FOXP1: variants seen among roughly 807,000 people sequenced by gnomAD.
The protein encoded by FOXP1 is forkhead box P1, also known as forkhead box protein P1.
Under a neutral mutation model 98.2 loss-of-function variants are expected in FOXP1, and 15 were observed. The ratio of observed to expected loss-of-function variants is 0.15; its 90% CI spans 0.10 to 0.24. The LOEUF (loss-of-function observed/expected upper bound fraction) is 0.24. Among genes scored for constraint, FOXP1 ranks in the 10% least tolerant of loss-of-function variants. FOXP1 has a pLI of 1.00. For synonymous variants in FOXP1, 371 were observed against 314.5 expected (o/e 1.18, Z -1.90); for missense variants, 633 against 848.5 (o/e 0.75, Z 3.15).
At chr3:71,519,006 G>A (rs2042779836) in intron 2 of FOXP1, among the ~76,000 whole-genome samples, 1 of 152,242 alleles carries the variant, frequency 6.6e-6, no homozygotes, top group Non-Finnish European at 1.5e-5. Flanking sequence ...AGCACTTTGG[G>A]AGGCCGAGAC....
chr3:71,279,153 CAA>C (rs1226669921), intron 5 of FOXP1, among the ~76,000 whole-genome samples: 1 of 76,762 alleles, frequency 1.3e-5, no homozygotes, highest in Non-Finnish European at 2.3e-5. Context: ...GCCTGGGTGA[CAA>C]GAGTGAAACT....
chr3:71,152,717 C>T (rs2060630559), intron 6 of FOXP1, among the ~76,000 whole-genome samples: 1 of 152,138 alleles, frequency 6.6e-6, no homozygotes, highest in African/African-American at 2.4e-5. Flanking sequence ...GTGCTTACCC[C>T]ACAGAGCTGT....
chr3:71,228,842 A>G (rs913647551), intron 5 of FOXP1, among the ~76,000 whole-genome samples: 3 of 152,208 alleles, frequency 2.0e-5, no homozygotes, highest in African/African-American at 7.2e-5. Flanking sequence ...AAATGGAAAA[A>G]GCTTTCTCGT....
At chr3:71,361,595 C>T (rs1160636350) in intron 3 of FOXP1, among the ~76,000 whole-genome samples, 2 of 152,186 alleles carry the variant, frequency 1.3e-5, no homozygotes, top group Non-Finnish European at 2.9e-5. Context: ...GTAGGTCCGG[C>T]TTCTCTCCTA....
chr3:71,374,530 T>G (rs926409180), intron 3 of FOXP1, among the ~76,000 whole-genome samples: 1 of 151,806 alleles, frequency 6.6e-6, no homozygotes, highest in African/African-American at 2.4e-5. Context: ...GAGAAAGAGG[T>G]TGTAGTGAGC....
rs1559619904 is a variant in FOXP1, at chr3:70,977,840, G to A, written c.1336C>T (p.Pro446Ser). The change falls in exon 15 of 21, where the codon CCC (proline) becomes TCC (serine). Residue 446 changes from proline (P) to serine (S), a missense_variant. Physicochemically the swap from Pro to Ser is moderately conservative, Grantham distance 74 (BLOSUM62 -1). Transcript: ENST00000649528. ...GTGGAGTATCTACCTGACGAAATGG[G>A]CACGTTGTATTTGTCTGAGTACCGC... Reference protein sequence around the residue: ...RRRYSDKYNVPISSADIAQNQ... With the variant: ...RRRYSDKYNVSISSADIAQNQ... 6.2e-7 allele frequency: 1 copy of A among 1,614,136 alleles called. No individual in the cohort carries two copies. Among genetic ancestry groups the A allele is most frequent in the East Asian group, 2.2e-5 (1 of 44,874 alleles).
intron 6 of FOXP1, among the ~76,000 whole-genome samples, chr3:71,178,627 T>G (rs1159619137): frequency 6.6e-6 from 1 of 151,744 alleles, no homozygotes; most frequent in Non-Finnish European, 1.5e-5. Context: ...CTCAAGCCTG[T>G]AATCCCAGCA....
chr3:71,491,576 T>C (rs575639942), intron 3 of FOXP1, among the ~76,000 whole-genome samples: 1 of 152,334 alleles, frequency 6.6e-6, no homozygotes, highest in South Asian at 2.1e-4. Context: ...TTCTTGCCAC[T>C]GACAGAAGTA....
At chr3:71,512,099 G>A (rs367948532) in intron 2 of FOXP1, among the ~76,000 whole-genome samples, 13 of 152,254 alleles carry the variant, frequency 8.5e-5, no homozygotes, top group East Asian at 7.7e-4. Flanking sequence ...ATCTTTATAC[G>A]TGAGAAAACC....
chr3:71,276,855 T>C (rs1261696736), intron 5 of FOXP1, among the ~76,000 whole-genome samples: 1 of 152,008 alleles, frequency 6.6e-6, no homozygotes, highest in African/African-American at 2.4e-5. Flanking sequence ...AATTTATTCC[T>C]CCTACCTAGC....
At chr3:70,969,254 A>C (rs2035654762) in intron 19 of FOXP1, 2 of 152,172 alleles carry the variant, frequency 1.3e-5, no homozygotes, top group Admixed American at 1.3e-4. Context: ...GTTACTAATG[A>C]ATGGTATTTA....
At chr3:71,569,262 T>TTTCATAAGTA (rs2047148614) in intron 2 of FOXP1, among the ~76,000 whole-genome samples, 1 of 152,200 alleles carries the variant, frequency 6.6e-6, no homozygotes, top group African/African-American at 2.4e-5. Context: ...TCTGAACTAC[T>TTTCATAAGTA]TATGAAAGAG....
At position 71,297,640 on chromosome 3, in the gene FOXP1, G is replaced by T. The variant is rs1472293191; in HGVS notation, c.-12+2180C>A. On this transcript the variant is annotated intron_variant, in intron 5 of 20. Transcript: ENST00000649528. ...AATTTTTTTTTTTTTTTTTCAGACA[G>T]AGTCTCCTTCTGTCTCCCAGCCTGC... 6.4e-4 allele frequency among the ~76,000 whole-genome samples: 81 copies of T among 127,172 alleles called. 1 individual carries two copies. The highest frequency in any genetic ancestry group is 2.2e-3 in the African/African-American group (76 of 33,922). 83.4% of individuals were successfully genotyped at this position (127,172 alleles called of 152,430 possible).
intron 3 of FOXP1, among the ~76,000 whole-genome samples, chr3:71,426,463 C>T (rs2084165306): frequency 6.6e-6 from 1 of 152,054 alleles, no homozygotes; most frequent in Admixed American, 6.5e-5. Flanking sequence ...TACAAGACGA[C>T]CCAAGTGGAA....
At chr3:70,979,872 G>T (rs1025373469) in intron 14 of FOXP1, among the ~76,000 whole-genome samples, 2 of 151,668 alleles carry the variant, frequency 1.3e-5, no homozygotes, top group African/African-American at 4.8e-5. Context: ...AGAAAAGAAA[G>T]ATCAAATATC....
At chr3:71,168,065 AGG>A (rs1388968550) in intron 6 of FOXP1, among the ~76,000 whole-genome samples, 1 of 152,202 alleles carries the variant, frequency 6.6e-6, no homozygotes, top group Admixed American at 6.5e-5. Context: ...TTATTGATAG[AGG>A]TTTGTTACAT....
At chr3:71,073,588 T>C (rs1020182981) in intron 7 of FOXP1, among the ~76,000 whole-genome samples, 10 of 152,210 alleles carry the variant, frequency 6.6e-5, no homozygotes, top group Admixed American at 1.3e-4. Flanking sequence ...CAAAAGTTTA[T>C]ATTATCCGCA....
At chr3:71,488,988 T>G (rs927499546) in intron 3 of FOXP1, among the ~76,000 whole-genome samples, 2 of 152,184 alleles carry the variant, frequency 1.3e-5, no homozygotes, top group African/African-American at 4.8e-5. Context: ...CACAACACCG[T>G]GGGCTGGCCC....
chr3:71,450,985 C>T (rs2086899109), intron 3 of FOXP1, among the ~76,000 whole-genome samples: 1 of 152,166 alleles, frequency 6.6e-6, no homozygotes, highest in Non-Finnish European at 1.5e-5. Context: ...ACATTCCTGG[C>T]CTGTTCAATT....
Sources: allele counts gnomAD v4.1 joint callset (sites outside exome capture counted in the v4.1 genomes callset), GRCh38; gene constraint gnomAD v4.1.1; transcripts MANE v1.5; gene names NCBI Gene and HGNC (gene_info 2026-07-23, HGNC 2026-07-21).